RPA2: variants seen among roughly 807,000 people sequenced by gnomAD.
The protein encoded by RPA2 is replication protein A 32 kDa subunit.
Under a neutral mutation model 33.4 loss-of-function variants are expected in RPA2, and 22 were observed. That is an observed-to-expected ratio of 0.66 (90% CI 0.47 to 0.94). The LOEUF is 0.94. Among genes scored for constraint, RPA2 ranks in the 40% least tolerant of loss-of-function variants. The pLI is 0.00. For missense variants in RPA2, 279 were observed against 329.9 expected, an observed-to-expected ratio of 0.85 and a Z score of 1.19; for synonymous variants, 109 against 114.9, an observed-to-expected ratio of 0.95 and a Z score of 0.33.
intron 2 of RPA2, among the ~76,000 whole-genome samples, chr1:27,910,787 G>A (rs1053932298): frequency 1.5e-4 from 23 of 152,254 alleles, no homozygotes; most frequent in African/African-American, 5.1e-4. Context: ...TTGACCCCTG[G>A]AGTTAAGAGT....
chr1:27,914,788 C>G, upstream of RPA2: 1 of 1,001,240 alleles, frequency 1.0e-6, no homozygotes, highest in Non-Finnish European at 1.5e-6. Flanking sequence ...AGAAATCAAC[C>G]AATCAGAACA....
chr1:27,914,402 C>G (rs757649169), intron 1 of RPA2, 32 bp downstream of exon 1: 2 of 1,613,006 alleles, frequency 1.2e-6, no homozygotes, highest in Non-Finnish European at 1.7e-6. Context: ...CTGCGATTCT[C>G]TTCCTCCTCC....
intron 4 of RPA2, 32 bp downstream of exon 4, chr1:27,906,895 TA>T: frequency 6.8e-7 from 1 of 1,471,858 alleles, no homozygotes; most frequent in Non-Finnish European, 9.4e-7. Flanking sequence ...AGTTCCAAAG[TA>T]ACCCCATCAT....
intron 4 of RPA2, among the ~76,000 whole-genome samples, chr1:27,898,443 A>T (rs1431273426): frequency 6.6e-6 from 1 of 152,190 alleles, no homozygotes; most frequent in Non-Finnish European, 1.5e-5. Flanking sequence ...ATACACACTA[A>T]ACTGTTTATA....
chr1:27,909,185 C>A (rs978329520), intron 2 of RPA2, among the ~76,000 whole-genome samples: 2 of 152,144 alleles, frequency 1.3e-5, no homozygotes, highest in Non-Finnish European at 2.9e-5. Context: ...GGAAGTGGAC[C>A]AATACCTGTA....
At chr1:27,911,289 G>GC (rs1342439606) in intron 2 of RPA2, among the ~76,000 whole-genome samples, 2 of 152,036 alleles carry the variant, frequency 1.3e-5, no homozygotes, top group Non-Finnish European at 2.9e-5. Context: ...ACCACGGGAG[G>GC]CAAGGGTGGG....
chr1:27,899,528 A>AAAC (rs2089939033), intron 4 of RPA2, among the ~76,000 whole-genome samples: 3 of 151,060 alleles, frequency 2.0e-5, no homozygotes, highest in Admixed American at 6.6e-5. Flanking sequence ...AAAAAAAAAA[A>AAAC]AAACCACACA....
chr1:27,902,966 T>C (rs1022654839), intron 4 of RPA2, among the ~76,000 whole-genome samples: 1 of 152,184 alleles, frequency 6.6e-6, no homozygotes, highest in African/African-American at 2.4e-5. Flanking sequence ...GTTTTGCTCT[T>C]GTTGCCCAGG....
In RPA2 at chr1:27,892,049, T is replaced by G; in HGVS notation, c.*114A>C. On this transcript the variant is annotated 3_prime_UTR_variant, in exon 9 of 9. Coordinates refer to ENST00000373912, the MANE Select transcript of RPA2 (RefSeq NM_002946.5). ...AAAGGAAGTCAGAGGAGACATTTGATAGATGAAACCTACTTCCTAGAAGCC... is the reference window on the plus strand; with the variant it reads ...AAAGGAAGTCAGAGGAGACATTTGAGAGATGAAACCTACTTCCTAGAAGCC... 1.4e-6 allele frequency: 1 copy of G among 711,788 alleles called. No homozygotes were observed. The highest frequency in any genetic ancestry group is 2.0e-5 in the South Asian group (1 of 49,048). The allele number at this position is 711,788 out of a possible 1,614,324, so 44.1% of individuals were successfully genotyped here.
At chr1:27,910,004 T>C (rs2090078663) in intron 2 of RPA2, among the ~76,000 whole-genome samples, 2 of 152,118 alleles carry the variant, frequency 1.3e-5, no homozygotes, top group South Asian at 4.1e-4. Context: ...TGTTAATATT[T>C]ATAGTCTTAA....
chr1:27,893,036 T>C (rs1489319991), intron 8 of RPA2, among the ~76,000 whole-genome samples: 2 of 152,188 alleles, frequency 1.3e-5, no homozygotes, highest in Admixed American at 6.5e-5. Context: ...AAGGTACAGA[T>C]AGCCTAATAC....
At position 27,892,265 on chromosome 1, in the gene RPA2, A is replaced by G. The variant is rs766590579; in HGVS notation, c.729-18T>C. The G allele has an allele frequency of 3.1e-6, 5 of 1,608,614 alleles. No individual in the cohort carries two copies. The highest frequency in any genetic ancestry group is 1.1e-5 in the South Asian group (1 of 90,670). On this transcript the variant is annotated intron_variant, in intron 8 of 8. Coordinates refer to ENST00000373912, the MANE Select transcript of RPA2 (RefSeq NM_002946.5). ...CAGCTTGCCTAGAAAGAAAGAAGAA[A>G]AAAAAAAGGTCATTTTCAGGCCAAT...
intron 2 of RPA2, among the ~76,000 whole-genome samples, chr1:27,911,669 C>T (rs549268515): frequency 7.9e-5 from 12 of 152,260 alleles, no homozygotes; most frequent in African/African-American, 2.6e-4. Flanking sequence ...GCATCATGTG[C>T]GTACTGTCTG....
chr1:27,914,635 C>G, upstream of RPA2: 1 of 1,613,904 alleles, frequency 6.2e-7, no homozygotes, highest in Non-Finnish European at 8.5e-7. Flanking sequence ...ACGGATGCTA[C>G]GCTTGTTCCT....
At chr1:27,899,483 CA>C (rs2089936643) in intron 4 of RPA2, among the ~76,000 whole-genome samples, 1 of 113,452 alleles carries the variant, frequency 8.8e-6, no homozygotes, top group Non-Finnish European at 1.7e-5. Context: ...GGCTGGGCAA[CA>C]GAGCAGGACT....
chr1:27,913,166 T>A (rs561498195), intron 2 of RPA2, among the ~76,000 whole-genome samples: 1 of 151,692 alleles, frequency 6.6e-6, no homozygotes, highest in Admixed American at 6.6e-5. Flanking sequence ...TTGGCCAGGC[T>A]GGTCAGGAAC....
At chr1:27,905,994 A>G (rs188146779) in intron 4 of RPA2, among the ~76,000 whole-genome samples, 12 of 152,206 alleles carry the variant, frequency 7.9e-5, no homozygotes, top group Non-Finnish European at 1.3e-4. Context: ...TTCCACATTC[A>G]TTTAAACAAT....
chr1:27,911,031 C>T (rs1330029634), intron 2 of RPA2, among the ~76,000 whole-genome samples: 4 of 151,920 alleles, frequency 2.6e-5, no homozygotes, highest in East Asian at 1.9e-4. Flanking sequence ...GCCTGACCAA[C>T]GTGGCAAAAC....
At chr1:27,896,638 G>A (rs774707243) in intron 6 of RPA2, among the ~76,000 whole-genome samples, 3 of 152,184 alleles carry the variant, frequency 2.0e-5, no homozygotes, top group Non-Finnish European at 4.4e-5. Flanking sequence ...TAGCCAGTAA[G>A]TTGGAAGGAA....
Sources: gnomAD v4.1 joint callset for allele counts (sites outside exome capture counted in the v4.1 genomes callset) on GRCh38, gnomAD v4.1.1 for gene constraint, MANE v1.5 for transcripts, NCBI Gene and HGNC (gene_info 2026-07-23, HGNC 2026-07-21) for gene names.